Variants in EXOC2 observed in about 807,000 individuals in gnomAD.
EXOC2 encodes the protein SEC5-like 1.
A neutral mutation model predicts 131.8 loss-of-function variants in EXOC2; 70 were observed. That is an observed-to-expected ratio of 0.53 (90% CI 0.44 to 0.65). EXOC2 has a LOEUF of 0.65. EXOC2 is among the 30% of genes least tolerant of loss of function. EXOC2 has a pLI of 0.00. For missense variants in EXOC2, 923 were observed against 1,108.6 expected, an observed-to-expected ratio of 0.83 and a Z score of 2.38; for synonymous variants, 411 against 398.4, an observed-to-expected ratio of 1.03 and a Z score of -0.38.
chr6:637,948 A>G (rs541369564), intron 1 of EXOC2, 87 bp from the exon 2 acceptor site: 36 of 864,076 alleles, frequency 4.2e-5, no homozygotes, highest in Non-Finnish European at 6.3e-5. Flanking sequence ...TCAGTACCAA[A>G]ATATAAAAAG....
intron 17 of EXOC2, among the ~76,000 whole-genome samples, chr6:562,289 C>T (rs574894561): frequency 6.6e-6 from 1 of 151,664 alleles, no homozygotes; most frequent in South Asian, 2.1e-4. Context: ...TGTGAAAACC[C>T]GTGAAATCAT....
chr6:637,510 AT>A (rs1762156780), intron 2 of EXOC2, among the ~76,000 whole-genome samples, 190 bp downstream of exon 2: 1 of 152,260 alleles, frequency 6.6e-6, no homozygotes, highest in South Asian at 2.1e-4. Context: ...ATAAGGCAAG[AT>A]TTGACAAAAT....
chr6:511,224 G>A (rs562821709), intron 23 of EXOC2, among the ~76,000 whole-genome samples: 46 of 152,262 alleles, frequency 3.0e-4, no homozygotes, highest in Admixed American at 2.0e-3. Flanking sequence ...AGCGGGTCCC[G>A]CACCCCTTTG....
chr6:500,620 A>T (rs1763992996), intron 23 of EXOC2, among the ~76,000 whole-genome samples: 1 of 152,168 alleles, frequency 6.6e-6, no homozygotes, highest in South Asian at 2.1e-4. Flanking sequence ...ATCATTTTGC[A>T]GGAAAAAAAC....
At chr6:688,741 T>G (rs9502440) in intron 1 of EXOC2, among the ~76,000 whole-genome samples, 24,137 of 152,188 alleles carry the variant, frequency 0.16, 2,268 homozygotes, top group African/African-American at 0.26. Flanking sequence ...ACTCCTTGTA[T>G]ATTCCCTAAT....
chr6:501,703 CTCTA>C (rs1322913182), intron 23 of EXOC2, among the ~76,000 whole-genome samples: 1 of 123,180 alleles, frequency 8.1e-6, no homozygotes, highest in South Asian at 2.3e-4. Context: ...ATATATATAT[CTCTA>C]TATAAAAGAT....
At chr6:580,877 G>A (rs1758852663) in intron 11 of EXOC2, among the ~76,000 whole-genome samples, 1 of 151,932 alleles carries the variant, frequency 6.6e-6, no homozygotes, top group Admixed American at 6.6e-5. Flanking sequence ...GTACAGTTTT[G>A]GACACTGATC....
rs77338297 is a variant in EXOC2, at chr6:591,304, C to G, written c.1192+1165G>C. On this transcript the variant is annotated intron_variant, in intron 11 of 27. Coordinates refer to ENST00000230449, the MANE Select transcript of EXOC2 (RefSeq NM_018303.6). ...TTAAAATCCGTCAGCGACTCCCCAT[C>G]GCACTCTGGGTGAAGTCCAAACCTG... Among the ~76,000 whole-genome samples, 574 of 152,258 alleles carry G rather than the reference C, an allele frequency of 3.8e-3. 3 individuals are homozygous for G. The highest frequency in any genetic ancestry group is 0.013 in the African/African-American group (551 of 41,540).
chr6:659,908 G>A lies in EXOC2; in HGVS notation c.-43-22047C>T, dbSNP rs374360039. Among the ~76,000 whole-genome samples, 119 of 152,070 alleles carry A rather than the reference G, an allele frequency of 7.8e-4. 2 individuals are homozygous for A. The East Asian group carries it at 0.015, about 20-fold the overall frequency. On this transcript the variant is annotated intron_variant, in intron 1 of 27. Coordinates refer to ENST00000230449, the MANE Select transcript of EXOC2 (RefSeq NM_018303.6). ...AATCTGGTGTGCAGACTCCACAGGC[G>A]GGGACAGAACCCAGCCTTTTTAGTT...
At chr6:647,446 C>A (rs1301017589) in intron 1 of EXOC2, among the ~76,000 whole-genome samples, 1 of 150,154 alleles carries the variant, frequency 6.7e-6, no homozygotes, top group Non-Finnish European at 1.5e-5. Flanking sequence ...CTAGTCTCTT[C>A]ACCTGAAGAC....
chr6:657,805 T>C (rs1025303208), intron 1 of EXOC2, among the ~76,000 whole-genome samples: 5 of 152,114 alleles, frequency 3.3e-5, no homozygotes, highest in African/African-American at 1.2e-4. Context: ...TGTGTGTGAA[T>C]TCCATCTTAT....
intron 23 of EXOC2, among the ~76,000 whole-genome samples, chr6:525,946 G>T (rs1349943379): frequency 6.6e-6 from 1 of 152,036 alleles, no homozygotes; most frequent in Non-Finnish European, 1.5e-5. Flanking sequence ...TATTTGTTTA[G>T]ATATATAACA....
At chr6:655,703 A>G (rs1763041596) in intron 1 of EXOC2, among the ~76,000 whole-genome samples, 1 of 152,250 alleles carries the variant, frequency 6.6e-6, no homozygotes, top group East Asian at 1.9e-4. Flanking sequence ...AGCTCTCTAC[A>G]TAAGAAATGC....
intron 10 of EXOC2, 73 bp from the exon 11 acceptor site, chr6:592,660 C>T (rs1759606591): frequency 1.8e-6 from 2 of 1,132,318 alleles, no homozygotes; most frequent in Non-Finnish European, 2.6e-6. Flanking sequence ...TTTTTAAAGG[C>T]TAAAATTTTA....
intron 17 of EXOC2, among the ~76,000 whole-genome samples, chr6:562,441 G>A (rs909823380): frequency 6.6e-6 from 1 of 152,204 alleles, no homozygotes; most frequent in African/African-American, 2.4e-5. Flanking sequence ...TTTGGCTTTG[G>A]AGCCAGCAAC....
rs1353298446 is a variant in EXOC2 at position 506,767 on chromosome 6, G to A, written c.2381-7067C>T. On this transcript the variant is annotated intron_variant, in intron 23 of 27. Coordinates refer to ENST00000230449, the MANE Select transcript of EXOC2 (RefSeq NM_018303.6). This position sits in a 1 kb window ranked among gnomAD's most constrained non-coding sequence, Gnocchi z 4.4. ...TCTACTGAGCAAGAACTTGTAGGCT[G>A]TTTCCTGTAAGCCAGCCGGTGTAAC... is the stretch of plus-strand genomic sequence containing the variant. Among the ~76,000 whole-genome samples the A allele has an allele frequency of 6.6e-6, 1 of 152,074 alleles. No individual in the cohort carries two copies. Among genetic ancestry groups the A allele is most frequent in the Non-Finnish European group, 1.5e-5 (1 of 68,014 alleles).
chr6:511,112 C>A (rs1462471072), intron 23 of EXOC2, among the ~76,000 whole-genome samples: 1 of 152,190 alleles, frequency 6.6e-6, no homozygotes, highest in South Asian at 2.1e-4. Context: ...TATTTTCCTG[C>A]GTGGTCCCTG....
At chr6:529,419 T>C (rs1294488238) in intron 23 of EXOC2, among the ~76,000 whole-genome samples, 1 of 152,086 alleles carries the variant, frequency 6.6e-6, no homozygotes, top group Non-Finnish European at 1.5e-5. Flanking sequence ...AAAAGTCTTC[T>C]TCTGCATCAG....
At chr6:688,246 G>T (rs554990269) in intron 1 of EXOC2, among the ~76,000 whole-genome samples, 1 of 152,168 alleles carries the variant, frequency 6.6e-6, no homozygotes, top group Non-Finnish European at 1.5e-5. Flanking sequence ...GATAAGAAGC[G>T]GGTACTGATG....
Sources: gnomAD v4.1 joint callset for allele counts (sites outside exome capture counted in the v4.1 genomes callset) on GRCh38, gnomAD v4.1.1 for gene constraint, Gnocchi (gnomAD v3.1) non-coding constraint, MANE v1.5 for transcripts, NCBI Gene and HGNC (gene_info 2026-07-23, HGNC 2026-07-21) for gene names.